The following MGAT4C variants were observed in gnomAD, a reference collection of about 807,000 sequenced individuals.
MGAT4C encodes MGAT4 family member C.
MGAT4C carries 19 observed loss-of-function variants against 40.1 expected under a neutral mutation model. The observed-to-expected ratio is 0.47, with a 90% CI of 0.33 to 0.70. The LOEUF is 0.70. Ranked by LOEUF, MGAT4C falls within the 30% of genes least tolerant of loss-of-function variation. MGAT4C has a pLI of 0.02. For synonymous variants in MGAT4C, 181 were observed against 187.1 expected (o/e 0.97, Z 0.27); for missense variants, 491 against 563.2 (o/e 0.87, Z 1.30).
intron 1 of MGAT4C, among the ~76,000 whole-genome samples, chr12:86,126,216 A>C (rs895820893): frequency 2.6e-5 from 4 of 152,010 alleles, no homozygotes; most frequent in Admixed American, 2.0e-4. Flanking sequence ...TTAATATTGA[A>C]TAAAGATGAC....
intron 2 of MGAT4C, among the ~76,000 whole-genome samples, chr12:86,566,423 A>G (rs1960104744): frequency 6.7e-6 from 1 of 150,244 alleles, no homozygotes; most frequent in Non-Finnish European, 1.5e-5. Flanking sequence ...TTGGACTCCA[A>G]GTTCTTCAGT....
chr12:86,635,657 T>TTGTGTGTGTG lies in MGAT4C; in HGVS notation c.-229+91542_-229+91551dup, dbSNP rs71309507. Among the ~76,000 whole-genome samples, 1,085 of 147,326 alleles carry TTGTGTGTGTG rather than the reference T, an allele frequency of 7.4e-3. 12 individuals carry two copies. Among genetic ancestry groups the TTGTGTGTGTG allele is most frequent in the African/African-American group, 0.024 (949 of 40,190 alleles). On this transcript the variant is annotated intron_variant, in intron 2 of 7. Coordinates refer to the MGAT4C transcript ENST00000548651. The stretch of plus-strand genomic sequence containing the variant: ...TTTTACTGTACCTTTTCTATATACA[T>TTGTGTGTGTG]TGTGTGTGTGTGTGTGTGTGTGTGT...
intron 1 of MGAT4C, among the ~76,000 whole-genome samples, chr12:86,737,115 A>G (rs1950998346): frequency 1.3e-5 from 2 of 151,062 alleles, no homozygotes; most frequent in South Asian, 4.1e-4. Flanking sequence ...ATAAAGTAAA[A>G]CTCATTGAAA....
intron 2 of MGAT4C, among the ~76,000 whole-genome samples, chr12:86,520,887 C>G (rs1185870885): frequency 6.6e-6 from 1 of 152,002 alleles, no homozygotes; most frequent in African/African-American, 2.4e-5. Context: ...TAAAATATGT[C>G]TGTTCTTGTC....
chr12:86,571,113 C>G (rs1447665678), intron 2 of MGAT4C, among the ~76,000 whole-genome samples: 2 of 152,068 alleles, frequency 1.3e-5, no homozygotes, highest in African/African-American at 4.8e-5. Context: ...CCGGTGCCTG[C>G]CCTCTTTTAA....
chr12:86,116,606 A>T (rs965224161), intron 1 of MGAT4C, among the ~76,000 whole-genome samples: 10 of 152,276 alleles, frequency 6.6e-5, no homozygotes, highest in African/African-American at 2.2e-4. Context: ...TTACAAGTAG[A>T]TCTAATCACA....
chr12:86,253,929 G>C (rs2136082557), intron 1 of MGAT4C, among the ~76,000 whole-genome samples: 1 of 152,094 alleles, frequency 6.6e-6, no homozygotes, highest in East Asian at 1.9e-4. Flanking sequence ...CATAATTTGA[G>C]GAGTCATTTT....
chr12:86,280,453 T>C (rs1216485222), intron 4 of MGAT4C, among the ~76,000 whole-genome samples: 3 of 152,006 alleles, frequency 2.0e-5, no homozygotes, highest in African/African-American at 7.2e-5. Context: ...TATAAAACCA[T>C]ATAAAGTAAA....
At chr12:86,410,806 T>C (rs1956588291) in intron 3 of MGAT4C, among the ~76,000 whole-genome samples, 1 of 152,208 alleles carries the variant, frequency 6.6e-6, no homozygotes, top group Admixed American at 6.5e-5. Context: ...AAGTATTAAT[T>C]TTGGAAACTG....
At chr12:86,042,785 G>C (rs1291523240) in intron 2 of MGAT4C, among the ~76,000 whole-genome samples, 2 of 149,076 alleles carry the variant, frequency 1.3e-5, no homozygotes, top group African/African-American at 2.5e-5. Flanking sequence ...GGAGAATGGT[G>C]TGAATCCAGA....
chr12:86,674,637 AGT>A (rs2136568772), intron 2 of MGAT4C, among the ~76,000 whole-genome samples: 1 of 152,206 alleles, frequency 6.6e-6, no homozygotes, highest in East Asian at 1.9e-4. Context: ...GCGGAGTTGC[AGT>A]GAGCCGAGAT....
chr12:86,725,738 C>A (rs1950811099), intron 2 of MGAT4C, among the ~76,000 whole-genome samples: 1 of 151,916 alleles, frequency 6.6e-6, no homozygotes, highest in Non-Finnish European at 1.5e-5. Flanking sequence ...GCTAGGATTA[C>A]AGGCGTGAGC....
At chr12:86,275,310 A>G (rs1294919843) in intron 4 of MGAT4C, among the ~76,000 whole-genome samples, 1 of 146,856 alleles carries the variant, frequency 6.8e-6, no homozygotes, top group Non-Finnish European at 1.5e-5. Flanking sequence ...CTGTCTCTCA[A>G]CTTAATCACC....
At chr12:86,080,260 A>G (rs1870577648) in intron 1 of MGAT4C, among the ~76,000 whole-genome samples, 1 of 152,088 alleles carries the variant, frequency 6.6e-6, no homozygotes, top group South Asian at 2.1e-4. Flanking sequence ...ACCAAATCCA[A>G]TATATTTCCT....
At chr12:86,377,354 C>T (rs898523677) in intron 3 of MGAT4C, among the ~76,000 whole-genome samples, 5 of 152,116 alleles carry the variant, frequency 3.3e-5, no homozygotes, top group Admixed American at 6.6e-5. Context: ...CCACTGCACC[C>T]GGCTGGCATT....
At chr12:86,099,597 G>A (rs1372232170) in intron 1 of MGAT4C, among the ~76,000 whole-genome samples, 2 of 151,174 alleles carry the variant, frequency 1.3e-5, no homozygotes, top group Admixed American at 6.6e-5. Context: ...CAGACATATG[G>A]TTATTAATTT....
intron 2 of MGAT4C, among the ~76,000 whole-genome samples, chr12:86,514,524 A>C (rs997047589): frequency 6.6e-6 from 1 of 152,104 alleles, no homozygotes; most frequent in Non-Finnish European, 1.5e-5. Context: ...CCCCTGCATT[A>C]CTTCACTCAG....
chr12:86,134,887 C>T (rs1881730204), intron 1 of MGAT4C, among the ~76,000 whole-genome samples: 1 of 152,000 alleles, frequency 6.6e-6, no homozygotes, highest in African/African-American at 2.4e-5. Context: ...GGCTTGCCTA[C>T]AATAAGATAT....
At chr12:86,216,228 T>C (rs1216967783) in intron 1 of MGAT4C, among the ~76,000 whole-genome samples, 2 of 152,180 alleles carry the variant, frequency 1.3e-5, no homozygotes, top group Admixed American at 1.3e-4. Flanking sequence ...CTTAAATGTG[T>C]TGGCTTGTGA....
Sources: allele counts gnomAD v4.1 joint callset (sites outside exome capture counted in the v4.1 genomes callset), GRCh38; gene constraint gnomAD v4.1.1; transcripts MANE v1.5; gene names NCBI Gene and HGNC (gene_info 2026-07-23, HGNC 2026-07-21).